ARHGEF11: variants seen among roughly 807,000 people sequenced by gnomAD.
The protein encoded by ARHGEF11 is Rho guanine nucleotide exchange factor 11, also known as Rho guanine exchange factor (GEF) 11.
Under a neutral mutation model 193.7 loss-of-function variants are expected in ARHGEF11, and 55 were observed. The observed-to-expected ratio is 0.28, with a 90% confidence interval of 0.23 to 0.36. The LOEUF (loss-of-function observed/expected upper bound fraction) is 0.36. Among genes scored for constraint, ARHGEF11 ranks in the 10% least tolerant of loss-of-function variants. The pLI is 1.00. For synonymous variants in ARHGEF11, 693 were observed against 768.0 expected, an observed-to-expected ratio of 0.90 and a Z score of 1.62; for missense variants, 1,723 against 2,005.6, an observed-to-expected ratio of 0.86 and a Z score of 2.69.
chr1:156,972,437 G>C (rs535594901), intron 7 of ARHGEF11, among the ~76,000 whole-genome samples: 1 of 152,218 alleles, frequency 6.6e-6, no homozygotes, highest in Non-Finnish European at 1.5e-5. Flanking sequence ...GACAATACCC[G>C]CCTCATGGGA....
intron 11 of ARHGEF11, chr1:156,963,795 G>T: frequency 1.4e-6 from 2 of 1,412,970 alleles, no homozygotes; most frequent in Non-Finnish European, 1.8e-6. Context: ...GCTTCTGGGT[G>T]GGGCAGGGCA....
intron 15 of ARHGEF11, among the ~76,000 whole-genome samples, chr1:156,959,943 C>CCAAAA (rs1553204878): frequency 2.1e-5 from 2 of 97,098 alleles, no homozygotes; most frequent in African/African-American, 3.9e-5. Context: ...CCCCCCCCCC[C>CCAAAA]AAAAAAAACA....
intron 17 of ARHGEF11, 55 bp downstream of exon 17, chr1:156,958,687 A>G: frequency 6.2e-7 from 1 of 1,609,156 alleles, no homozygotes; most frequent in Non-Finnish European, 8.5e-7. Flanking sequence ...GACCCACAAA[A>G]TATGTCAACC....
At chr1:157,030,440 C>T (rs1307867368) in intron 1 of ARHGEF11, among the ~76,000 whole-genome samples, 1 of 152,102 alleles carries the variant, frequency 6.6e-6, no homozygotes, top group Non-Finnish European at 1.5e-5. Context: ...ACAGTGAATG[C>T]AAACCTCAGG....
intron 38 of ARHGEF11, 37 bp downstream of exon 38, chr1:156,938,381 C>T: frequency 6.3e-7 from 1 of 1,597,498 alleles, no homozygotes; most frequent in Non-Finnish European, 8.6e-7. Flanking sequence ...ACACTCCAGT[C>T]TTGGCCTGTC....
chr1:157,000,761 T>C (rs1004603696), intron 1 of ARHGEF11, among the ~76,000 whole-genome samples: 3 of 152,120 alleles, frequency 2.0e-5, no homozygotes, highest in Non-Finnish European at 4.4e-5. Flanking sequence ...TCCCCTTCCT[T>C]GGGCAGGCTG....
intron 1 of ARHGEF11, among the ~76,000 whole-genome samples, chr1:157,011,951 C>G (rs1249254766): frequency 6.6e-6 from 1 of 152,118 alleles, no homozygotes; most frequent in African/African-American, 2.4e-5. Context: ...CACACATATG[C>G]TATATGACCC....
Position 156,935,854 on chromosome 1 carries a change from TC to T in ARHGEF11, c.*145del. Reference sequence around the variant, plus strand: ...GAGCAGACCAAGCAACATGCGGGTCTCCCCCCGGGCCTTGGCTGGATCCTAG... The same window carrying T: ...GAGCAGACCAAGCAACATGCGGGTCTCCCCCGGGCCTTGGCTGGATCCTAG... On this transcript the variant is annotated 3_prime_UTR_variant, in exon 41 of 41. Transcript: ENST00000368194. The T allele has an allele frequency of 7.9e-6, 7 of 886,830 alleles. No homozygotes were observed. The highest frequency in any genetic ancestry group is 2.7e-5 in the East Asian group (1 of 36,734). The allele number at this position is 886,830 out of a possible 1,614,324, so 54.9% of individuals were successfully genotyped here.
chr1:156,936,405 G>A (rs552021791), intron 40 of ARHGEF11, among the ~76,000 whole-genome samples: 5 of 149,042 alleles, frequency 3.4e-5, no homozygotes, highest in African/African-American at 1.0e-4. Context: ...GCTGAGGTGG[G>A]TGGATCACTT....
chr1:156,944,239 C>T (rs1657662712), intron 31 of ARHGEF11, 119 bp downstream of exon 31: 9 of 1,432,274 alleles, frequency 6.3e-6, no homozygotes, highest in Non-Finnish European at 8.7e-6. Flanking sequence ...CTGATTATTC[C>T]CTTCCCATGT....
intron 3 of ARHGEF11, among the ~76,000 whole-genome samples, chr1:156,980,845 G>C (rs925908301): frequency 7.7e-5 from 8 of 103,892 alleles, no homozygotes; most frequent in African/African-American, 2.7e-4. Context: ...GGGGGGGGGG[G>C]GGAAATGAGT....
At position 156,947,724 on chromosome 1, in the gene ARHGEF11, C is replaced by T. The variant is rs1489241209; in HGVS notation, c.2341+45G>A. ...GTGTCTTAGGCATTCTGGACCTATT[C>T]CCACACGTGTGAGCGGAGCTGGGGG... On this transcript the variant is annotated intron_variant, in intron 25 of 40. Coordinates refer to ENST00000368194, the MANE Select transcript of ARHGEF11 (RefSeq NM_198236.3). 8 of 1,599,708 alleles carry T rather than the reference C, an allele frequency of 5.0e-6. No homozygotes were observed. The Admixed American group carries it at 5.0e-5, about 10-fold the overall frequency.
At chr1:156,973,190 A>C (rs1229138001) in intron 7 of ARHGEF11, among the ~76,000 whole-genome samples, 1 of 152,190 alleles carries the variant, frequency 6.6e-6, no homozygotes, top group East Asian at 1.9e-4. Context: ...GGCCTCCCCA[A>C]GTGCTGGGAC....
intron 1 of ARHGEF11, among the ~76,000 whole-genome samples, chr1:156,992,801 T>G (rs1009006397): frequency 5.3e-5 from 8 of 152,154 alleles, no homozygotes; most frequent in Non-Finnish European, 1.0e-4. Flanking sequence ...CAGTCACCAC[T>G]GCCCACAGCT....
chr1:156,960,238 GC>G (rs1160093799), intron 15 of ARHGEF11, among the ~76,000 whole-genome samples, 179 bp downstream of exon 15: 1 of 152,126 alleles, frequency 6.6e-6, no homozygotes, highest in Non-Finnish European at 1.5e-5. Context: ...TGTCCCATTT[GC>G]ACCTGTCCGT....
At chr1:156,976,197 T>C (rs6695497) in intron 7 of ARHGEF11, among the ~76,000 whole-genome samples, 5 of 152,018 alleles carry the variant, frequency 3.3e-5, no homozygotes, top group African/African-American at 1.2e-4. Flanking sequence ...TTCATATCTT[T>C]GTGCCTTTGA....
At chr1:156,941,227 C>T (rs925120933) in intron 35 of ARHGEF11, 145 bp downstream of exon 35, 1 of 698,740 alleles carries the variant, frequency 1.4e-6, no homozygotes, top group Admixed American at 2.2e-5. Context: ...GACTCTTCCT[C>T]CCGCCCTGTT....
intron 13 of ARHGEF11, 65 bp from the exon 14 acceptor site, chr1:156,961,840 G>C: frequency 1.4e-6 from 2 of 1,454,844 alleles, no homozygotes; most frequent in Non-Finnish European, 1.9e-6. Context: ...GCCCCCTAGG[G>C]GACGTTTGGC....
At chr1:156,941,500 G>T in intron 34 of ARHGEF11, 67 bp from the exon 35 acceptor site, 1 of 1,528,870 alleles carries the variant, frequency 6.5e-7, no homozygotes, top group South Asian at 1.1e-5. Context: ...GCATTAGAAT[G>T]GGCAATGGAG....
Sources: gnomAD v4.1 joint callset for allele counts (sites outside exome capture counted in the v4.1 genomes callset) on GRCh38, gnomAD v4.1.1 for gene constraint, MANE v1.5 for transcripts, NCBI Gene and HGNC (gene_info 2026-07-23, HGNC 2026-07-21) for gene names.